The following TOP6BL variants were observed in gnomAD, a reference collection of about 807,000 sequenced individuals.
TOP6BL encodes the protein TOP6B like initiator of meiotic double strand breaks, also known as type 2 DNA topoisomerase 6 subunit B-like.
At chr11:66,817,328 T>C in the TOP6BL span, among the ~76,000 whole-genome samples, 1 of 152,112 alleles carries the variant, frequency 6.6e-6, no homozygotes. Flanking sequence ...ATTAGATGGG[T>C]GACAATTTGT....
the TOP6BL span, chr11:66,843,119 C>T: frequency 1.9e-6 from 3 of 1,602,610 alleles, no homozygotes; most frequent in Admixed American, 1.7e-5. Context: ...AGGTGCAGGC[C>T]ACGGGCCGCT....
chr11:66,788,287 C>T, the TOP6BL span: 1 of 1,488,936 alleles, frequency 6.7e-7, no homozygotes, highest in African/African-American at 1.4e-5. Flanking sequence ...TTGTTGTGGT[C>T]TTATAAATTA....
the TOP6BL span, among the ~76,000 whole-genome samples, chr11:66,758,844 T>TA: frequency 6.6e-6 from 1 of 152,220 alleles, no homozygotes; most frequent in Non-Finnish European, 1.5e-5. Context: ...CGGTTATCTC[T>TA]AAGAAGTTAT....
At chr11:66,792,063 G>A in the TOP6BL span, among the ~76,000 whole-genome samples, 1 of 152,104 alleles carries the variant, frequency 6.6e-6, no homozygotes, top group Admixed American at 6.6e-5. Context: ...GCCTGCCTCG[G>A]CTTCCTAAAG....
the TOP6BL span, among the ~76,000 whole-genome samples, chr11:66,809,504 G>A: frequency 6.6e-6 from 1 of 152,114 alleles, no homozygotes; most frequent in African/African-American, 2.4e-5. Flanking sequence ...TTGACTATAC[G>A]TTCTTAGCAG....
the TOP6BL span, among the ~76,000 whole-genome samples, chr11:66,784,962 T>A: frequency 7.0e-6 from 1 of 142,310 alleles, no homozygotes; most frequent in Non-Finnish European, 1.5e-5. Context: ...ATTTCTTTTT[T>A]TTTTTTTTTT....
chr11:66,805,170 G>A, the TOP6BL span, among the ~76,000 whole-genome samples: 1 of 152,184 alleles, frequency 6.6e-6, no homozygotes, highest in Non-Finnish European at 1.5e-5. Flanking sequence ...GGAGGTGGAG[G>A]CTGCAGTGAG....
chr11:66,787,752 C>T, the TOP6BL span, among the ~76,000 whole-genome samples: 16 of 150,518 alleles, frequency 1.1e-4, no homozygotes, highest in Non-Finnish European at 2.1e-4. Flanking sequence ...GCCTGAGAGT[C>T]ATTCTTGAAT....
chr11:66,840,711 T>C, the TOP6BL span, among the ~76,000 whole-genome samples: 1 of 152,248 alleles, frequency 6.6e-6, no homozygotes, highest in Non-Finnish European at 1.5e-5. Flanking sequence ...GGCCTCTTAA[T>C]TACCAAATTT....
the TOP6BL span, among the ~76,000 whole-genome samples, chr11:66,808,981 C>T: frequency 5.9e-5 from 9 of 152,134 alleles, no homozygotes; most frequent in African/African-American, 1.4e-4. Flanking sequence ...AGTCTCGCTC[C>T]GTCGCCCAGG....
chr11:66,813,790 G>C, the TOP6BL span: 1 of 1,395,684 alleles, frequency 7.2e-7, no homozygotes, highest in Non-Finnish European at 1.0e-6. Context: ...CCAGGTCAGT[G>C]TTGTTTGTTT....
chr11:66,759,672 C>T, the TOP6BL span, among the ~76,000 whole-genome samples: 4 of 152,170 alleles, frequency 2.6e-5, no homozygotes, highest in Non-Finnish European at 5.9e-5. Flanking sequence ...CAACCTCTGC[C>T]TCCTGGGTTC....
At chr11:66,843,145 C>T in the TOP6BL span, 1 of 1,609,822 alleles carries the variant, frequency 6.2e-7, no homozygotes, top group Admixed American at 1.7e-5. Context: ...GAGGTCCTCA[C>T]CCCGGGCCCC....
the TOP6BL span, chr11:66,796,136 T>G: frequency 3.3e-6 from 2 of 610,880 alleles, no homozygotes; most frequent in Non-Finnish European, 5.8e-6. Flanking sequence ...TTGCATACAA[T>G]TCTCATTCCC....
At chr11:66,750,075 A>G in the TOP6BL span, among the ~76,000 whole-genome samples, 972 of 152,210 alleles carry the variant, frequency 6.4e-3, 13 homozygotes, top group East Asian at 0.059. Context: ...AGATTTTTCT[A>G]TGCCTACGTT....
chr11:66,751,844 A>G, the TOP6BL span, among the ~76,000 whole-genome samples: 1 of 152,192 alleles, frequency 6.6e-6, no homozygotes, highest in African/African-American at 2.4e-5. Flanking sequence ...ACTTTTCTTT[A>G]TAATTTCCCT....
the TOP6BL span, chr11:66,762,552 C>T: frequency 1.6e-5 from 3 of 184,822 alleles, no homozygotes; most frequent in Non-Finnish European, 3.3e-5. Context: ...TCACTGCAAC[C>T]TTCCGCCTCC....
the TOP6BL span, among the ~76,000 whole-genome samples, chr11:66,767,255 C>T: frequency 1.6e-4 from 25 of 152,258 alleles, no homozygotes; most frequent in African/African-American, 5.8e-4. Context: ...GCATTGAATA[C>T]TTATCTACTT....
At chr11:66,800,599 T>G in the TOP6BL span, 4 of 1,502,424 alleles carry the variant, frequency 2.7e-6, no homozygotes, top group Non-Finnish European at 3.6e-6. Flanking sequence ...AATCTGTATC[T>G]TGGCTCATGT....
Sources: gnomAD v4.1 joint callset for allele counts (sites outside exome capture counted in the v4.1 genomes callset) on GRCh38, gnomAD v4.1.1 for gene constraint, MANE v1.5 for transcripts, NCBI Gene and HGNC (gene_info 2026-07-23, HGNC 2026-07-21) for gene names.